The following ARHGAP17 variants were observed in gnomAD, a reference collection of about 807,000 sequenced individuals.
ARHGAP17 encodes the protein rho GTPase-activating protein 17.
A neutral mutation model predicts 99.5 loss-of-function variants in ARHGAP17; 57 were observed. The ratio of observed to expected loss-of-function variants is 0.57; its 90% CI spans 0.46 to 0.71. The LOEUF (loss-of-function observed/expected upper bound fraction) is 0.71. Among genes scored for constraint, ARHGAP17 ranks in the 30% least tolerant of loss-of-function variants. The pLI, the probability that ARHGAP17 is intolerant of heterozygous loss-of-function variation, is 0.00. For missense variants in ARHGAP17, 1,000 were observed against 1,122.4 expected, an observed-to-expected ratio of 0.89 and a Z score of 1.56; for synonymous variants, 417 against 429.6, an observed-to-expected ratio of 0.97 and a Z score of 0.36.
chr16:25,010,264 G>A (rs903611925), intron 1 of ARHGAP17, among the ~76,000 whole-genome samples: 14 of 152,076 alleles, frequency 9.2e-5, no homozygotes, highest in African/African-American at 2.7e-4. Context: ...TGTAAAGACC[G>A]GGTTTCACCA....
chr16:24,937,144 C>T (rs1162248796), intron 17 of ARHGAP17, among the ~76,000 whole-genome samples: 4 of 149,204 alleles, frequency 2.7e-5, no homozygotes, highest in African/African-American at 1.0e-4. Flanking sequence ...AAAAACAGGC[C>T]GGGGCAGTAG....
chr16:24,976,554 G>A (rs2052522235), intron 3 of ARHGAP17, among the ~76,000 whole-genome samples: 1 of 150,486 alleles, frequency 6.6e-6, no homozygotes, highest in Non-Finnish European at 1.5e-5. Flanking sequence ...AAAGAGAAGA[G>A]AAGGGAAAGG....
chr16:25,002,030 A>AGAGGTGC (rs2053373681), intron 1 of ARHGAP17, among the ~76,000 whole-genome samples: 1 of 151,916 alleles, frequency 6.6e-6, no homozygotes, highest in Admixed American at 6.6e-5. Flanking sequence ...GCAGTGAACC[A>AGAGGTGC]AGATCGCACC....
At chr16:24,977,157 G>T in intron 3 of ARHGAP17, 58 bp downstream of exon 3, 1 of 1,381,778 alleles carries the variant, frequency 7.2e-7, no homozygotes, top group Non-Finnish European at 9.6e-7. Context: ...CAATCCAGGG[G>T]TTGAAAAGCC....
chr16:25,013,433 G>A (rs1428942547), intron 1 of ARHGAP17, among the ~76,000 whole-genome samples: 2 of 152,160 alleles, frequency 1.3e-5, no homozygotes, highest in Non-Finnish European at 2.9e-5. Context: ...GACCACCCTA[G>A]GCAACATGGC....
At position 24,952,888 on chromosome 16, in the gene ARHGAP17, G is replaced by A. The variant is rs374969479; in HGVS notation, c.964+43C>T. On this transcript the variant is annotated intron_variant, in intron 11 of 19. Coordinates refer to ENST00000289968, the MANE Select transcript of ARHGAP17 (RefSeq NM_001006634.3). ...CTGTCTGAGACAGAACCTGCCCACC[G>A]CCTTGAGGGTGACTTGATTTGCAGA... 31 of 1,578,858 alleles carry A rather than the reference G, an allele frequency of 2.0e-5. No homozygotes were observed. The African/African-American group carries it at 2.3e-4, about 12-fold the overall frequency.
intron 13 of ARHGAP17, 58 bp downstream of exon 13, chr16:24,949,346 T>C: frequency 7.2e-7 from 1 of 1,382,584 alleles, no homozygotes; most frequent in Non-Finnish European, 1.0e-6. Context: ...AAATGACTTC[T>C]CTGCTGGGCA....
intron 16 of ARHGAP17, among the ~76,000 whole-genome samples, chr16:24,940,984 A>G (rs1370374986): frequency 6.6e-6 from 1 of 152,198 alleles, no homozygotes; most frequent in Non-Finnish European, 1.5e-5. Context: ...AAAATATATG[A>G]AAGCTAATTT....
chr16:24,972,096 G>A (rs957507720), intron 3 of ARHGAP17, among the ~76,000 whole-genome samples: 1 of 152,232 alleles, frequency 6.6e-6, no homozygotes, highest in Non-Finnish European at 1.5e-5. Flanking sequence ...CCCCTGACAT[G>A]TCACTTGCCT....
At chr16:24,942,894 A>G (rs1036114135) in intron 15 of ARHGAP17, among the ~76,000 whole-genome samples, 3 of 152,226 alleles carry the variant, frequency 2.0e-5, no homozygotes, top group Admixed American at 6.5e-5. Context: ...CCTTGAGCAG[A>G]ATGCTAGCAT....
chr16:24,937,915 T>C (rs2051186497), intron 17 of ARHGAP17, among the ~76,000 whole-genome samples: 1 of 152,196 alleles, frequency 6.6e-6, no homozygotes, highest in South Asian at 2.1e-4. Flanking sequence ...GGATGGCCAA[T>C]GCAGAACATA....
At chr16:24,951,088 G>GA (rs893716346) in intron 12 of ARHGAP17, among the ~76,000 whole-genome samples, 2 of 152,116 alleles carry the variant, frequency 1.3e-5, no homozygotes, top group Admixed American at 6.5e-5. Flanking sequence ...AGCGCCATGA[G>GA]AAAAAAGACG....
At chr16:25,007,657 C>A (rs2053542755) in intron 1 of ARHGAP17, among the ~76,000 whole-genome samples, 1 of 152,222 alleles carries the variant, frequency 6.6e-6, no homozygotes, top group South Asian at 2.1e-4. Context: ...TGGGCCACTG[C>A]ACCCGGCTCA....
chr16:24,938,289 G>A (rs1476756459), intron 17 of ARHGAP17, among the ~76,000 whole-genome samples: 4 of 151,714 alleles, frequency 2.6e-5, no homozygotes, highest in Non-Finnish European at 4.4e-5. Flanking sequence ...ACTTGAACCC[G>A]GGAGACGGAG....
intron 1 of ARHGAP17, among the ~76,000 whole-genome samples, chr16:24,994,257 G>A (rs532702366): frequency 6.6e-6 from 1 of 152,320 alleles, no homozygotes; most frequent in East Asian, 1.9e-4. Context: ...AAAGGACACT[G>A]TAAATACCTT....
intron 6 of ARHGAP17, among the ~76,000 whole-genome samples, chr16:24,968,036 C>T (rs2052243064): frequency 6.6e-6 from 1 of 152,190 alleles, no homozygotes; most frequent in Non-Finnish European, 1.5e-5. Flanking sequence ...GTTAGGGCCA[C>T]AGATGTGTTT....
intron 1 of ARHGAP17, among the ~76,000 whole-genome samples, chr16:25,003,230 CTTTTTT>C (rs564573463): frequency 1.1e-5 from 1 of 90,698 alleles, no homozygotes. Context: ...AGCTTTAAAG[CTTTTTT>C]TTTTTTTTTT....
chr16:24,999,748 C>T (rs1165955903), intron 1 of ARHGAP17, among the ~76,000 whole-genome samples: 3 of 152,202 alleles, frequency 2.0e-5, no homozygotes, highest in Admixed American at 2.0e-4. Flanking sequence ...TCTTTCTCCA[C>T]ATTTTTATGC....
chr16:25,003,038 CAAAAAAAAAA>C, intron 1 of ARHGAP17, among the ~76,000 whole-genome samples: 1 of 53,308 alleles, frequency 1.9e-5, no homozygotes, highest in East Asian at 6.9e-4. Context: ...GACTCCGTCT[CAAAAAAAAAA>C]AAAAAAAAAA....
Sources: gnomAD v4.1 joint callset for allele counts (sites outside exome capture counted in the v4.1 genomes callset) on GRCh38, gnomAD v4.1.1 for gene constraint, MANE v1.5 for transcripts, NCBI Gene and HGNC (gene_info 2026-07-23, HGNC 2026-07-21) for gene names.